The following EXOC4 variants were observed in gnomAD, a reference collection of about 807,000 sequenced individuals.
EXOC4 encodes the protein exocyst complex component 4.
A neutral mutation model predicts 107.2 loss-of-function variants in EXOC4; 71 were observed. The ratio of observed to expected loss-of-function variants is 0.66; its 90% CI spans 0.55 to 0.81. The LOEUF (loss-of-function observed/expected upper bound fraction) is 0.81. EXOC4 is among the 30% of genes least tolerant of loss of function. The pLI, the probability that EXOC4 is intolerant of heterozygous loss-of-function variation, is 0.00. For synonymous variants in EXOC4, 456 were observed against 441.2 expected (o/e 1.03, Z -0.42); for missense variants, 1,108 against 1,189.6 (o/e 0.93, Z 1.01).
intron 9 of EXOC4, among the ~76,000 whole-genome samples, chr7:133,550,761 G>T (rs1800571989): frequency 6.6e-6 from 1 of 152,056 alleles, no homozygotes; most frequent in African/African-American, 2.4e-5. Flanking sequence ...ACCTGTAATA[G>T]CCTTTTTGAT....
chr7:133,999,729 A>G (rs996559026), intron 15 of EXOC4, among the ~76,000 whole-genome samples: 4 of 152,186 alleles, frequency 2.6e-5, no homozygotes, highest in South Asian at 2.1e-4. Flanking sequence ...AATTTATACT[A>G]TTGATCGTGT....
At chr7:133,375,988 A>G (rs185747201) in intron 7 of EXOC4, among the ~76,000 whole-genome samples, 2 of 152,338 alleles carry the variant, frequency 1.3e-5, no homozygotes, top group African/African-American at 4.8e-5. Context: ...TTCTGCTAAT[A>G]TGAAAAAAAT....
chr7:133,846,564 A>C (rs556524997), intron 11 of EXOC4, among the ~76,000 whole-genome samples: 1 of 152,328 alleles, frequency 6.6e-6, no homozygotes, highest in Admixed American at 6.5e-5. Flanking sequence ...GAAAGATTCC[A>C]TACTTTTGTT....
intron 9 of EXOC4, among the ~76,000 whole-genome samples, chr7:133,562,426 G>C (rs1800822972): frequency 6.6e-6 from 1 of 152,070 alleles, no homozygotes; most frequent in Non-Finnish European, 1.5e-5. Context: ...GCCGCCTTTT[G>C]CTTCCGGTTA....
At chr7:133,855,098 TATATAA>T (rs1312225232) in intron 11 of EXOC4, among the ~76,000 whole-genome samples, 37 of 96,778 alleles carry the variant, frequency 3.8e-4, no homozygotes, top group Non-Finnish European at 5.5e-4. Flanking sequence ...TATAAATATA[TATATAA>T]ATATATATAA....
intron 11 of EXOC4, among the ~76,000 whole-genome samples, chr7:133,863,845 A>G (rs1027034604): frequency 1.6e-4 from 24 of 152,284 alleles, no homozygotes; most frequent in African/African-American, 5.8e-4. Flanking sequence ...CAGCAGTTCT[A>G]TTACAATCTA....
chr7:133,987,894 A>G (rs1486871782), intron 14 of EXOC4, among the ~76,000 whole-genome samples: 1 of 152,208 alleles, frequency 6.6e-6, no homozygotes. Flanking sequence ...TGGCAGCTGC[A>G]TCCTTGAAAG....
intron 1 of EXOC4, among the ~76,000 whole-genome samples, chr7:133,270,455 G>T (rs954764803): frequency 6.6e-6 from 1 of 152,134 alleles, no homozygotes; most frequent in Non-Finnish European, 1.5e-5. Flanking sequence ...ATGGTGGGCT[G>T]CTGGAAGTCA....
intron 9 of EXOC4, among the ~76,000 whole-genome samples, chr7:133,535,744 A>G (rs1800259108): frequency 1.3e-5 from 2 of 150,124 alleles, no homozygotes; most frequent in Admixed American, 6.6e-5. Flanking sequence ...AATCATACAT[A>G]TCTATCCTCC....
intron 9 of EXOC4, among the ~76,000 whole-genome samples, chr7:133,558,464 A>C (rs1253143015): frequency 6.6e-6 from 1 of 152,124 alleles, no homozygotes; most frequent in Non-Finnish European, 1.5e-5. Context: ...CACAAATAAT[A>C]GTTTAAGTTG....
intron 9 of EXOC4, among the ~76,000 whole-genome samples, chr7:133,539,670 G>T: frequency 6.6e-6 from 1 of 151,768 alleles, no homozygotes; most frequent in South Asian, 2.1e-4. Flanking sequence ...TAACTTGGAG[G>T]TTTTTTTTCC....
intron 13 of EXOC4, among the ~76,000 whole-genome samples, chr7:133,931,207 A>T (rs1357193457): frequency 1.3e-5 from 2 of 152,210 alleles, no homozygotes; most frequent in Non-Finnish European, 2.9e-5. Context: ...CAAAGGCATA[A>T]GGTTAATGAC....
intron 9 of EXOC4, among the ~76,000 whole-genome samples, chr7:133,603,245 T>C (rs1727614387): frequency 6.6e-6 from 1 of 152,220 alleles, no homozygotes; most frequent in South Asian, 2.1e-4. Flanking sequence ...TTGTTTTCTC[T>C]CTAGGTGCCA....
downstream of EXOC4, among the ~76,000 whole-genome samples, chr7:134,070,047 T>C (rs1381658248): frequency 1.0e-5 from 1 of 95,450 alleles, no homozygotes; most frequent in Non-Finnish European, 2.0e-5. Flanking sequence ...CAACACAATT[T>C]TGCTTGGAAA....
intron 7 of EXOC4, among the ~76,000 whole-genome samples, chr7:133,388,376 A>G (rs918387510): frequency 1.3e-5 from 2 of 152,102 alleles, no homozygotes; most frequent in Non-Finnish European, 2.9e-5. Flanking sequence ...TTGGCCGGGT[A>G]TGGTGGCTCG....
intron 10 of EXOC4, among the ~76,000 whole-genome samples, chr7:133,775,434 C>T (rs894206042): frequency 1.3e-5 from 2 of 152,136 alleles, no homozygotes; most frequent in African/African-American, 4.8e-5. Flanking sequence ...AACACGTGAC[C>T]TTCTTAATCT....
chr7:133,357,900 A>G (rs988196400), intron 6 of EXOC4, among the ~76,000 whole-genome samples: 3 of 152,126 alleles, frequency 2.0e-5, no homozygotes, highest in African/African-American at 7.2e-5. Flanking sequence ...TTCAAAGTAA[A>G]TATTTGGCCA....
At chr7:133,761,506 C>T (rs1259182138) in intron 10 of EXOC4, among the ~76,000 whole-genome samples, 1 of 152,076 alleles carries the variant, frequency 6.6e-6, no homozygotes, top group African/African-American at 2.4e-5. Context: ...TGGAAAGAGA[C>T]TTTAGAACTC....
chr7:133,348,028 GTTCAGTAGT>G (rs1364650624), intron 5 of EXOC4, among the ~76,000 whole-genome samples: 2 of 152,142 alleles, frequency 1.3e-5, no homozygotes, highest in African/African-American at 4.8e-5. Flanking sequence ...ATGATTTGGA[GTTCAGTAGT>G]TTGGAAATAC....
Sources: allele counts gnomAD v4.1 joint callset (sites outside exome capture counted in the v4.1 genomes callset), GRCh38; gene constraint gnomAD v4.1.1; transcripts MANE v1.5; gene names NCBI Gene and HGNC (gene_info 2026-07-23, HGNC 2026-07-21).